SLU7: variants seen among roughly 807,000 people sequenced by gnomAD.
SLU7 encodes the protein spliceosome associated SLU7.
Under a neutral mutation model 87.0 loss-of-function variants are expected in SLU7, and 60 were observed. The observed-to-expected ratio is 0.69, with a 90% CI of 0.56 to 0.86. The LOEUF (loss-of-function observed/expected upper bound fraction) is 0.86. Ranked by LOEUF, SLU7 falls within the 40% of genes least tolerant of loss-of-function variation. SLU7 has a pLI of 0.00. For synonymous variants in SLU7, 197 were observed against 222.0 expected, an observed-to-expected ratio of 0.89 and a Z score of 1.00; for missense variants, 507 against 686.6, an observed-to-expected ratio of 0.74 and a Z score of 2.92.
In SLU7 at chr5:160,413,676, C is replaced by T; in HGVS notation, c.406-56G>A. 2.0e-6 allele frequency: 3 copies of T among 1,479,778 alleles called. No individual in the cohort carries two copies. The South Asian group carries it at 3.7e-5, about 18-fold the overall frequency. The allele number at this position is 1,479,778 out of a possible 1,614,324, so 91.7% of individuals were successfully genotyped here. A position where few individuals can be genotyped will look rare whatever the true frequency, so the allele number is the denominator to read the frequency against. On this transcript the variant is annotated intron_variant, in intron 4 of 15. Transcript: ENST00000297151. ...TAAGTTTTTATGGCCCAAAGGAAAA[C>T]TTCATACAACTTTTACAGAGTGGGC...
intron 8 of SLU7, 54 bp downstream of exon 8, chr5:160,408,275 A>G: frequency 1.3e-6 from 2 of 1,547,458 alleles, no homozygotes; most frequent in African/African-American, 1.4e-5. Flanking sequence ...GATAAAATTT[A>G]TGCTGGGAAG....
At chr5:160,403,596 T>C (rs4921280) in intron 15 of SLU7, 132 bp from the exon 16 acceptor site, 237,259 of 635,122 alleles carry the variant, frequency 0.37, 45,826 homozygotes, top group Non-Finnish European at 0.39. Context: ...TGAAAGAGCT[T>C]TGGAGTCAGC....
In SLU7 at chr5:160,406,602, G is replaced by A. The variant is rs957700513; in HGVS notation, c.1153C>T (p.Pro385Ser). ...TGGGCTAAAAGCAATTCAGCTGGAG[G>A]GGCATCCAAATGTTCTTGGCCACCA... ...KYGGQEHLDA[P>S]PAELLLAQTE... Residue 385 changes from proline (P) to serine (S), a missense_variant, in exon 12 of 16, where the codon CCT becomes TCT. By Grantham distance (74) the Pro-to-Ser change is moderately conservative. This residue lies in a region of SLU7 where 43 missense variants were observed against 58.4 expected (regional missense o/e 0.74). Coordinates refer to ENST00000297151, the MANE Select transcript of SLU7 (RefSeq NM_006425.5). 1.2e-6 allele frequency: 2 copies of A among 1,611,068 alleles called. No individual in the cohort carries two copies. Among genetic ancestry groups the A allele is most frequent in the East Asian group, 2.2e-5 (1 of 44,642 alleles).
Position 160,413,573 on chromosome 5 carries a change from T to C in SLU7, c.453A>G (p.Pro151=). The C allele has an allele frequency of 6.2e-7, 1 of 1,613,984 alleles. No individual in the cohort carries two copies. The highest frequency in any genetic ancestry group is 1.3e-5 in the African/African-American group (1 of 75,038). Residue 151 remains proline, a synonymous_variant, in exon 5 of 16, where the codon CCA becomes CCG. Coordinates refer to ENST00000297151, the MANE Select transcript of SLU7 (RefSeq NM_006425.5). ...GAKFTGTNIA[P]DEHVQPQLMF... ...TCAGTTGAGGCTGGACATGTTCATC[T>C]GGAGCTATATTAGTACCTGTAAATT...
chr5:160,409,528 T>A (rs903187348), intron 6 of SLU7, among the ~76,000 whole-genome samples: 2 of 152,192 alleles, frequency 1.3e-5, no homozygotes, highest in South Asian at 2.1e-4. Flanking sequence ...GATGGCTAAG[T>A]GATATGTCAT....
rs2113174087 is a variant in SLU7 at position 160,416,950 on chromosome 5, T to C, written c.-16-1640A>G. Among the ~76,000 whole-genome samples, 3 of 152,294 alleles carry C rather than the reference T, an allele frequency of 2.0e-5. No individual in the cohort carries two copies. The Middle Eastern group carries it at 0.01, about 518-fold the overall frequency. On this transcript the variant is annotated intron_variant, in intron 1 of 15. Coordinates refer to ENST00000297151, the MANE Select transcript of SLU7 (RefSeq NM_006425.5). ...GGCGGCAGTTTCTCCCATACTGTTC[T>C]CCTGGTAATGAATAAGTTTCACGAG...
rs1002312177 is a variant in SLU7, at chr5:160,413,930, G to A, written c.374C>T (p.Ala125Val). Residue 125 changes from alanine (A) to valine (V), a missense_variant, in exon 4 of 16, where the codon GCC (alanine) becomes GTC (valine). Ala to Val is a moderately conservative substitution (Grantham distance 64). This residue lies in a region of SLU7 where 155 missense variants were observed against 154.4 expected (regional missense o/e 1.00). Transcript: ENST00000297151. ...YRKGACENCG[A>V]MTHKKKDCFE... Reference sequence around the variant, plus strand: ...GCAGTCTTTCTTTTTGTGTGTCATGGCCCCACAATTTTCACATGCTCCTTT... The same window carrying A: ...GCAGTCTTTCTTTTTGTGTGTCATGACCCCACAATTTTCACATGCTCCTTT... The A allele has an allele frequency of 1.2e-6, 2 of 1,601,708 alleles. No homozygotes were observed. Among genetic ancestry groups the A allele is most frequent in the Non-Finnish European group, 1.7e-6 (2 of 1,175,402 alleles).
chr5:160,413,238 A>G (rs1765312959), intron 5 of SLU7, among the ~76,000 whole-genome samples: 1 of 152,182 alleles, frequency 6.6e-6, no homozygotes, highest in Non-Finnish European at 1.5e-5. Flanking sequence ...AAGGACCAAT[A>G]TAAGAATCAA....
At position 160,415,747 on chromosome 5, in the gene SLU7, A is replaced by C. The variant is rs572308781; in HGVS notation, c.-16-437T>G. Among the ~76,000 whole-genome samples, 4 of 152,240 alleles carry C rather than the reference A, an allele frequency of 2.6e-5. No individual in the cohort carries two copies. The East Asian group carries it at 7.7e-4, about 29-fold the overall frequency. On this transcript the variant is annotated intron_variant, in intron 1 of 15. Transcript: ENST00000297151. ...CTCACTCACTCTAACTTAGCCCTCC[A>C]TTCCCTACCATTCTAAAGAAAAGAG...
rs766858919 is a variant in SLU7, at chr5:160,407,754, T to C, written c.977A>G (p.Gln326Arg). 6.2e-7 allele frequency: 1 copy of C among 1,612,366 alleles called. No homozygotes were observed. The highest frequency in any genetic ancestry group is 8.5e-7 in the Non-Finnish European group (1 of 1,178,436). The change falls in exon 10 of 16, where the codon CAG (glutamine) becomes CGG (arginine). Residue 326 changes from glutamine to arginine, a missense_variant. Around this residue, in one of 6 missense-constraint regions of SLU7, gnomAD observed 49 missense variants for 144.1 expected, o/e 0.34. Coordinates refer to ENST00000297151, the MANE Select transcript of SLU7 (RefSeq NM_006425.5). This position sits in a 1 kb window ranked among gnomAD's most constrained non-coding sequence, Gnocchi z 4.2. ...RYTGDTISMA[Q>R]TQLFAWEAYD... Reference sequence around the variant, plus strand: ...ATAGAGGAAACACTTACACTGTGTCTGAGCCATTGAAATGGTATCTCCTGT... The same window carrying C: ...ATAGAGGAAACACTTACACTGTGTCCGAGCCATTGAAATGGTATCTCCTGT...
In SLU7 at chr5:160,407,962, G is replaced by T; in HGVS notation, c.917+9C>A. ...ATCTTAAAATCTGTACATTTAACTT[G>T]ATACTTACTCATCTGGATTCTTTCC... On this transcript the variant is annotated intron_variant, in intron 9 of 15. Transcript: ENST00000297151. This position sits in a 1 kb window ranked among gnomAD's most constrained non-coding sequence, Gnocchi z 4.2. 1 of 1,587,718 alleles carries T rather than the reference G, an allele frequency of 6.3e-7. No homozygotes were observed. Among genetic ancestry groups the T allele is most frequent in the Non-Finnish European group, 8.6e-7 (1 of 1,156,454 alleles).
At position 160,403,474 on chromosome 5, in the gene SLU7, G is replaced by A. The variant is rs1764874345; in HGVS notation, c.1582-10C>T. 1 of 1,585,142 alleles carries A rather than the reference G, an allele frequency of 6.3e-7. No homozygotes were observed. The highest frequency in any genetic ancestry group is 8.6e-7 in the Non-Finnish European group (1 of 1,167,654). On this transcript the variant is annotated splice_polypyrimidine_tract_variant and intron_variant, in intron 15 of 15. Coordinates refer to ENST00000297151, the MANE Select transcript of SLU7 (RefSeq NM_006425.5). ...CCTCTGCGTTCAGTGCCTATAGTGAGAGGAATAAAATGTGTATCACAGCTC... is the reference window on the plus strand; with the variant it reads ...CCTCTGCGTTCAGTGCCTATAGTGAAAGGAATAAAATGTGTATCACAGCTC...
At chr5:160,417,424 G>A (rs971356091) in intron 1 of SLU7, among the ~76,000 whole-genome samples, 2 of 152,082 alleles carry the variant, frequency 1.3e-5, no homozygotes, top group African/African-American at 4.8e-5. Flanking sequence ...AAGTTGATAT[G>A]GGTTTTACAC....
chr5:160,418,005 G>GAC (rs1383085774), intron 1 of SLU7, among the ~76,000 whole-genome samples: 1 of 152,078 alleles, frequency 6.6e-6, no homozygotes, highest in Non-Finnish European at 1.5e-5. Flanking sequence ...GCTCCCTGTA[G>GAC]ACACTGGGCC....
At position 160,415,210 on chromosome 5, in the gene SLU7, T is replaced by A. The variant is rs773497828; in HGVS notation, c.85A>T (p.Thr29Ser). The A allele has an allele frequency of 2.5e-6, 4 of 1,612,126 alleles. No homozygotes were observed. Among genetic ancestry groups the A allele is most frequent in the Non-Finnish European group, 3.4e-6 (4 of 1,179,218 alleles). Reference protein sequence around the residue: ...EMSLEEPKKMTREDWRKKKEL... With the variant: ...EMSLEEPKKMSREDWRKKKEL... Reference sequence around the variant, plus strand: ...TTCTTCTTTCTCCAGTCCTCTCTGGTCATCTTCTTTGGTTCTTCCAAACTC... The same window carrying A: ...TTCTTCTTTCTCCAGTCCTCTCTGGACATCTTCTTTGGTTCTTCCAAACTC... The change falls in exon 2 of 16, where the codon ACC (threonine) becomes TCC (serine). Residue 29 changes from threonine to serine, a missense_variant. Physicochemically the swap from Thr to Ser is moderately conservative, Grantham distance 58. Transcript: ENST00000297151.
At position 160,413,952 on chromosome 5, in the gene SLU7, CT is replaced by C; in HGVS notation, c.351del (p.Gly118GlufsTer9). 1 of 1,592,460 alleles carries C rather than the reference CT, an allele frequency of 6.3e-7. No individual in the cohort carries two copies. The highest frequency in any genetic ancestry group is 8.5e-7 in the Non-Finnish European group (1 of 1,170,036). On this transcript the variant is annotated frameshift_variant, in exon 4 of 16. Coordinates refer to ENST00000297151, the MANE Select transcript of SLU7 (RefSeq NM_006425.5). LOFTEE classifies it high-confidence loss of function. ...ATGGCCCCACAATTTTCACATGCTC[CT>C]TTGCGGTACTTAGTAATTATGGAAT... ...KENSIITKYR[K>X]GACENCGAMT...
Position 160,408,717 on chromosome 5 carries a change from A to T in SLU7, c.640-20T>A. 1 of 1,452,706 alleles carries T rather than the reference A, an allele frequency of 6.9e-7. No homozygotes were observed. The highest frequency in any genetic ancestry group is 1.8e-4 in the Middle Eastern group (1 of 5,604). The allele number at this position is 1,452,706 out of a possible 1,614,324, so 90.0% of individuals were successfully genotyped here. ...AGAATTCTGCATCATGAAAGAAGAAAAATCATTCATAATCTCATTCCACTT... is the reference window on the plus strand; with the variant it reads ...AGAATTCTGCATCATGAAAGAAGAATAATCATTCATAATCTCATTCCACTT... On this transcript the variant is annotated intron_variant, in intron 6 of 15. Transcript: ENST00000297151.
At chr5:160,417,904 T>G (rs777209999) in intron 1 of SLU7, among the ~76,000 whole-genome samples, 6 of 152,084 alleles carry the variant, frequency 3.9e-5, no homozygotes, top group Non-Finnish European at 7.4e-5. Flanking sequence ...CCTGCCTACC[T>G]TCCAGCCTCA....
Position 160,407,358 on chromosome 5 carries a change from ATTC to A in SLU7, c.1125+115_1125+117del. On this transcript the variant is annotated intron_variant, in intron 11 of 15. Transcript: ENST00000297151. This position sits in a 1 kb window ranked among gnomAD's most constrained non-coding sequence, Gnocchi z 4.2. Reference sequence around the variant, plus strand: ...ACTAAGAGAAAGGAAGAAAAGGACTATTCTTCATGGATTAAGAGGGCTCTCTTT... The same window carrying A: ...ACTAAGAGAAAGGAAGAAAAGGACTATTCATGGATTAAGAGGGCTCTCTTT... 1 of 841,098 alleles carries A rather than the reference ATTC, an allele frequency of 1.2e-6. No individual in the cohort carries two copies. The highest frequency in any genetic ancestry group is 1.8e-6 in the Non-Finnish European group (1 of 553,916). The allele number at this position is 841,098 out of a possible 1,614,324, so 52.1% of individuals were successfully genotyped here.
Sources: allele counts gnomAD v4.1 joint callset (sites outside exome capture counted in the v4.1 genomes callset), GRCh38; gene constraint gnomAD v4.1.1; regional missense constraint gnomAD v4.1.1; non-coding constraint Gnocchi (gnomAD v3.1); transcripts MANE v1.5; gene names NCBI Gene and HGNC (gene_info 2026-07-23, HGNC 2026-07-21).